Variants in RBFOX1 observed in about 807,000 individuals in gnomAD.
The protein encoded by RBFOX1 is RNA binding protein fox-1 homolog 1.
A neutral mutation model predicts 57.7 loss-of-function variants in RBFOX1; 8 were observed. The ratio of observed to expected loss-of-function variants is 0.14; its 90% CI spans 0.08 to 0.25. The LOEUF (loss-of-function observed/expected upper bound fraction) is 0.25. Ranked by LOEUF, RBFOX1 falls within the 10% of genes least tolerant of loss-of-function variation. The probability of loss-of-function intolerance (pLI) is 1.00; values close to 1 mark genes in which losing one functional copy is unlikely to be tolerated. For synonymous variants in RBFOX1, 326 were observed against 222.4 expected (o/e 1.47, Z -4.15); for missense variants, 611 against 548.5 (o/e 1.11, Z -1.14).
intron 3 of RBFOX1, among the ~76,000 whole-genome samples, chr16:6,812,621 C>G (rs1463776580): frequency 6.6e-6 from 1 of 152,136 alleles, no homozygotes; most frequent in Non-Finnish European, 1.5e-5. Flanking sequence ...AATTGATCCA[C>G]CCGCCTCAGC....
intron 4 of RBFOX1, among the ~76,000 whole-genome samples, chr16:7,099,853 G>A (rs554150734): frequency 1.2e-4 from 19 of 152,236 alleles, no homozygotes; most frequent in South Asian, 6.2e-4. Flanking sequence ...AGGTTTTATC[G>A]TGCGGTTACA....
At chr16:6,619,250 C>G (rs551169947) in intron 2 of RBFOX1, among the ~76,000 whole-genome samples, 1 of 152,040 alleles carries the variant, frequency 6.6e-6, no homozygotes, top group East Asian at 1.9e-4. Flanking sequence ...ACTGTTGTTG[C>G]CAAACAACTC....
chr16:6,703,296 T>C (rs957453836), intron 3 of RBFOX1, among the ~76,000 whole-genome samples: 2 of 147,354 alleles, frequency 1.4e-5, no homozygotes, highest in African/African-American at 4.9e-5. Context: ...AGAAAGTGGC[T>C]GGGAGTGGTA....
At chr16:7,708,163 A>C (rs1038075920) in intron 14 of RBFOX1, among the ~76,000 whole-genome samples, 7 of 151,982 alleles carry the variant, frequency 4.6e-5, no homozygotes, top group African/African-American at 1.5e-4. Context: ...ACATAGCAAG[A>C]CTTTGTCTCC....
chr16:7,499,383 A>G (rs1030550981), intron 4 of RBFOX1, among the ~76,000 whole-genome samples: 4 of 152,174 alleles, frequency 2.6e-5, no homozygotes, highest in African/African-American at 9.7e-5. Context: ...GCATGACCTC[A>G]TCTTAACTAA....
intron 1 of RBFOX1, among the ~76,000 whole-genome samples, chr16:6,273,738 C>T (rs371992347): frequency 6.6e-6 from 1 of 152,108 alleles, no homozygotes; most frequent in South Asian, 2.1e-4. Context: ...AAATCTTGCT[C>T]GGCAAAACAC....
At chr16:6,772,390 G>C (rs541394863) in intron 3 of RBFOX1, among the ~76,000 whole-genome samples, 25 of 152,138 alleles carry the variant, frequency 1.6e-4, no homozygotes, top group African/African-American at 5.5e-4. Context: ...TTGGAGGTGG[G>C]CACAGGCTGG....
intron 4 of RBFOX1, among the ~76,000 whole-genome samples, chr16:7,440,775 A>C (rs1037415003): frequency 4.6e-5 from 7 of 152,162 alleles, no homozygotes; most frequent in African/African-American, 1.4e-4. Context: ...CTTCCTCTTC[A>C]ACTTCATCCC....
rs189203635 is a variant in RBFOX1 at position 6,833,758 on chromosome 16, G to A, written c.-16+179108G>A. Among the ~76,000 whole-genome samples, 355 of 152,270 alleles carry A rather than the reference G, an allele frequency of 2.3e-3. 2 individuals carry two copies. Among genetic ancestry groups the A allele is most frequent in the African/African-American group, 8.3e-3 (346 of 41,568 alleles). ...TAAAACAAAAAGAATTAATTTGGAT[G>A]GGAAGGTTCATTGAAGGTCTCTGTG... On this transcript the variant is annotated intron_variant, in intron 3 of 15. Transcript: ENST00000550418.
intron 2 of RBFOX1, among the ~76,000 whole-genome samples, chr16:5,468,556 T>A (rs1210216211): frequency 2.0e-5 from 3 of 152,192 alleles, no homozygotes; most frequent in Non-Finnish European, 4.4e-5. Context: ...CCTACATATA[T>A]ACCCCAAATT....
chr16:7,332,947 C>G (rs1603623655), intron 4 of RBFOX1: 3 of 1,611,800 alleles, frequency 1.9e-6, no homozygotes, highest in South Asian at 1.1e-5. Context: ...AGATTTCCCC[C>G]TAACTCTCCA....
At chr16:6,128,522 T>C (rs1330004958) in intron 1 of RBFOX1, among the ~76,000 whole-genome samples, 1 of 152,188 alleles carries the variant, frequency 6.6e-6, no homozygotes, top group Non-Finnish European at 1.5e-5. Flanking sequence ...AGGAGCCCTT[T>C]TCTGCTGCAA....
intron 2 of RBFOX1, among the ~76,000 whole-genome samples, chr16:6,409,772 A>G (rs1382033598): frequency 2.0e-5 from 3 of 152,136 alleles, no homozygotes; most frequent in Non-Finnish European, 4.4e-5. Context: ...CTGAGGGAAA[A>G]TCAAAATCCA....
intron 3 of RBFOX1, among the ~76,000 whole-genome samples, chr16:5,708,585 C>G (rs999922117): frequency 6.6e-6 from 1 of 152,174 alleles, no homozygotes; most frequent in African/African-American, 2.4e-5. Flanking sequence ...CCCCCACCAC[C>G]TCAACCATGT....
chr16:6,172,034 G>C (rs113801887), intron 1 of RBFOX1, among the ~76,000 whole-genome samples: 7,717 of 152,006 alleles, frequency 0.051, 233 homozygotes, highest in Middle Eastern at 0.11. Flanking sequence ...TGTTAGGCAG[G>C]ATAGTCTCGA....
At chr16:5,740,219 T>A (rs1049848714) in intron 3 of RBFOX1, among the ~76,000 whole-genome samples, 1 of 152,052 alleles carries the variant, frequency 6.6e-6, no homozygotes. Context: ...TTGGGGCCGG[T>A]GTTAACATTC....
chr16:6,402,691 C>T (rs1002283959), intron 2 of RBFOX1, among the ~76,000 whole-genome samples: 2 of 152,100 alleles, frequency 1.3e-5, no homozygotes, highest in Non-Finnish European at 2.9e-5. Context: ...ATGAGTAAGG[C>T]CCATTTATTT....
chr16:6,448,796 C>G (rs1019249869), intron 2 of RBFOX1, among the ~76,000 whole-genome samples: 1 of 152,064 alleles, frequency 6.6e-6, no homozygotes, highest in African/African-American at 2.4e-5. Context: ...CCACCTTATC[C>G]TATTAAACAT....
intron 2 of RBFOX1, among the ~76,000 whole-genome samples, chr16:6,429,832 A>G (rs114555835): frequency 0.018 from 2,730 of 152,220 alleles, 91 homozygotes; most frequent in African/African-American, 0.059. Flanking sequence ...TTTCCTGCCC[A>G]GCGTGGTGGC....
Sources: allele counts gnomAD v4.1 joint callset (sites outside exome capture counted in the v4.1 genomes callset), GRCh38; gene constraint gnomAD v4.1.1; transcripts MANE v1.5; gene names NCBI Gene and HGNC (gene_info 2026-07-23, HGNC 2026-07-21).